The following NIPA2 variants were observed in gnomAD, a reference collection of about 807,000 sequenced individuals.
NIPA2 encodes NIPA magnesium transporter 2.
In NIPA2, 11 loss-of-function variants were observed where a neutral mutation model predicts 29.7. That is an observed-to-expected ratio of 0.37 (90% CI 0.23 to 0.61). The LOEUF is 0.61. Ranked by LOEUF, NIPA2 falls within the 20% of genes least tolerant of loss-of-function variation. The pLI is 0.66. For synonymous variants in NIPA2, 183 were observed against 161.9 expected (o/e 1.13, Z -0.99); for missense variants, 426 against 437.9 (o/e 0.97, Z 0.24).
intron 3 of NIPA2, among the ~76,000 whole-genome samples, chr15:22,848,540 A>G (rs1341839672): frequency 6.6e-6 from 1 of 151,964 alleles, no homozygotes; most frequent in Non-Finnish European, 1.5e-5. Flanking sequence ...GAATTATTCC[A>G]TTTGGCTGGG....
Position 22,866,882 on chromosome 15 carries a change from A to ATGAAG in NIPA2, c.*40_*44dup. On this transcript the variant is annotated 3_prime_UTR_variant, in exon 8 of 8. Transcript: ENST00000337451. Reference sequence around the variant, plus strand: ...AATTAAAGGTTAATCTGTGATTGTTATGAAGTGAATTTGAATATCATCAGA... The same window carrying ATGAAG: ...AATTAAAGGTTAATCTGTGATTGTTATGAAGTGAAGTGAATTTGAATATCATCAGA... The ATGAAG allele has an allele frequency of 6.6e-7, 1 of 1,522,482 alleles. No homozygotes were observed. Among genetic ancestry groups the ATGAAG allele is most frequent in the South Asian group, 1.3e-5 (1 of 77,348 alleles). The allele number at this position is 1,522,482 out of a possible 1,614,324, so 94.3% of individuals were successfully genotyped here.
Position 22,868,269 on chromosome 15 carries a change from T to C in NIPA2, c.*1422T>C, listed in dbSNP as rs1407010298. 1.3e-5 allele frequency: 2 copies of C among 152,254 alleles called. No individual in the cohort carries two copies. Among genetic ancestry groups the C allele is most frequent in the African/African-American group, 4.8e-5 (2 of 41,460 alleles). 9.4% of individuals were successfully genotyped at this position (152,254 alleles called of 1,614,324 possible). On this transcript the variant is annotated 3_prime_UTR_variant, in exon 8 of 8. Transcript: ENST00000337451. ...ACTACAGATGTACTACGTATCTGTT[T>C]ATATACTGTACCTACATCTGTGCTT... is the stretch of plus-strand genomic sequence containing the variant.
intron 5 of NIPA2, among the ~76,000 whole-genome samples, chr15:22,858,310 C>T (rs775642169): frequency 2.0e-5 from 3 of 152,118 alleles, no homozygotes; most frequent in Admixed American, 1.3e-4. Context: ...AGGAGAATGG[C>T]GTGAACCCGG....
chr15:22,847,684 G>A (rs373614737), intron 3 of NIPA2, among the ~76,000 whole-genome samples: 4 of 152,156 alleles, frequency 2.6e-5, no homozygotes, highest in African/African-American at 9.6e-5. Flanking sequence ...GGATGGTCTC[G>A]AAATCCTGAC....
intron 5 of NIPA2, among the ~76,000 whole-genome samples, chr15:22,854,256 T>C (rs1595354072): frequency 6.6e-6 from 1 of 151,874 alleles, no homozygotes; most frequent in African/African-American, 2.4e-5. Flanking sequence ...TCCTCCTGAG[T>C]AGCTGGACTA....
In NIPA2 at chr15:22,853,499, A is replaced by G. The variant is rs7173238; in HGVS notation, c.196+231A>G. Among the ~76,000 whole-genome samples, 130,363 of 151,286 alleles carry G rather than the reference A, an allele frequency of 0.86. 56,272 individuals carry two copies. Among genetic ancestry groups the G allele is most frequent in the East Asian group, 0.93 (4,729 of 5,084 alleles). The stretch of plus-strand genomic sequence containing the variant: ...AGCGATTCTCCTGCCTCAGCCTCCC[A>G]AGTAGTTGGGATTACAGGCGTGCCA... On this transcript the variant is annotated intron_variant, in intron 5 of 7. Transcript: ENST00000337451.
At chr15:22,864,355 C>A (rs1201093533) in intron 7 of NIPA2, among the ~76,000 whole-genome samples, 4 of 152,108 alleles carry the variant, frequency 2.6e-5, no homozygotes, top group Non-Finnish European at 5.9e-5. Flanking sequence ...GGGGTTTCAC[C>A]ATGTTAGCCA....
At chr15:22,862,968 C>G (rs1377302003) in intron 7 of NIPA2, among the ~76,000 whole-genome samples, 1 of 137,472 alleles carries the variant, frequency 7.3e-6, no homozygotes, top group Non-Finnish European at 1.5e-5. Context: ...GTGGTGTGAT[C>G]ATGGCTCACT....
chr15:22,843,221 T>C (rs1897606026), intron 2 of NIPA2, among the ~76,000 whole-genome samples: 1 of 152,032 alleles, frequency 6.6e-6, no homozygotes, highest in South Asian at 2.1e-4. Context: ...TCTCTGGACT[T>C]GGGCCAGGTG....
intron 2 of NIPA2, among the ~76,000 whole-genome samples, chr15:22,840,318 G>C (rs1311447679): frequency 7.5e-6 from 1 of 132,592 alleles, no homozygotes; most frequent in Non-Finnish European, 1.6e-5. Context: ...TTTTTTTTGA[G>C]ATGGAATCTT....
At chr15:22,841,571 C>G (rs1016563370) in intron 2 of NIPA2, among the ~76,000 whole-genome samples, 2 of 152,008 alleles carry the variant, frequency 1.3e-5, no homozygotes, top group African/African-American at 4.8e-5. Flanking sequence ...TGCAGCTGTG[C>G]GATCTCGGCT....
In NIPA2 at chr15:22,867,004, T is replaced by C. The variant is rs1031415010; in HGVS notation, c.*157T>C. Reference sequence around the variant, plus strand: ...GGACCAAGAAATTACTTTTCTTGTATTTAAACAAACAATGGTAGCTCACTA... The same window carrying C: ...GGACCAAGAAATTACTTTTCTTGTACTTAAACAAACAATGGTAGCTCACTA... On this transcript the variant is annotated 3_prime_UTR_variant, in exon 8 of 8. Transcript: ENST00000337451. 10 of 687,290 alleles carry C rather than the reference T, an allele frequency of 1.5e-5. No individual in the cohort carries two copies. The highest frequency in any genetic ancestry group is 3.3e-5 in the Admixed American group (1 of 29,854). The allele number at this position is 687,290 out of a possible 1,614,324, so 42.6% of individuals were successfully genotyped here.
At chr15:22,862,573 C>T (rs976020883) in intron 7 of NIPA2, among the ~76,000 whole-genome samples, 4 of 151,816 alleles carry the variant, frequency 2.6e-5, no homozygotes, top group African/African-American at 7.3e-5. Context: ...TTTATTTCTG[C>T]GGTTATATTG....
At chr15:22,846,824 T>TAATAATAAC (rs1389877459) in intron 3 of NIPA2, among the ~76,000 whole-genome samples, 6 of 108,718 alleles carry the variant, frequency 5.5e-5, no homozygotes, top group African/African-American at 2.0e-4. Context: ...TCCAAAATAA[T>TAATAATAAC]AATAATAATA....
intron 6 of NIPA2, among the ~76,000 whole-genome samples, chr15:22,859,482 T>C (rs1297461233): frequency 1.3e-5 from 2 of 152,050 alleles, no homozygotes; most frequent in Non-Finnish European, 2.9e-5. Context: ...TTAGTAGAGA[T>C]GTGGTTTCAC....
chr15:22,856,139 C>T (rs1396401289), intron 5 of NIPA2, among the ~76,000 whole-genome samples: 1 of 152,142 alleles, frequency 6.6e-6, no homozygotes, highest in Non-Finnish European at 1.5e-5. Context: ...GTGCCAGGAC[C>T]TACTTGCCAG....
chr15:22,842,535 A>C (rs1035472786), intron 2 of NIPA2, among the ~76,000 whole-genome samples: 2 of 151,790 alleles, frequency 1.3e-5, no homozygotes, highest in Non-Finnish European at 2.9e-5. Flanking sequence ...TAAAAAAAAA[A>C]CCCAAAATAT....
At chr15:22,854,093 G>A (rs1379702277) in intron 5 of NIPA2, among the ~76,000 whole-genome samples, 1 of 151,974 alleles carries the variant, frequency 6.6e-6, no homozygotes, top group African/African-American at 2.4e-5. Flanking sequence ...CCAAAGTGCT[G>A]GGATTACAGG....
At chr15:22,856,219 G>A (rs894713365) in intron 5 of NIPA2, among the ~76,000 whole-genome samples, 1 of 151,956 alleles carries the variant, frequency 6.6e-6, no homozygotes, top group Non-Finnish European at 1.5e-5. Context: ...CAGTTGGAAG[G>A]GAAAAAATGG....
Sources: gnomAD v4.1 joint callset for allele counts (sites outside exome capture counted in the v4.1 genomes callset) on GRCh38, gnomAD v4.1.1 for gene constraint, MANE v1.5 for transcripts, NCBI Gene and HGNC (gene_info 2026-07-23, HGNC 2026-07-21) for gene names.